MAGI3: variants seen among roughly 807,000 people sequenced by gnomAD.
MAGI3 encodes the protein membrane-associated guanylate kinase, WW and PDZ domain-containing protein 3.
MAGI3 carries 43 observed loss-of-function variants against 121.8 expected under a neutral mutation model. The observed-to-expected ratio is 0.35, with a 90% confidence interval of 0.28 to 0.46. The LOEUF (loss-of-function observed/expected upper bound fraction) is 0.46, where lower values mean the gene tolerates loss of function less well. Among genes scored for constraint, MAGI3 ranks in the 20% least tolerant of loss-of-function variants. The probability of loss-of-function intolerance (pLI) is 1.00; values close to 1 mark genes in which losing one functional copy is unlikely to be tolerated. For missense variants in MAGI3, 1,547 were observed against 1,797.3 expected, an observed-to-expected ratio of 0.86 and a Z score of 2.52; for synonymous variants, 553 against 639.3, an observed-to-expected ratio of 0.86 and a Z score of 2.04.
intron 1 of MAGI3, among the ~76,000 whole-genome samples, chr1:113,534,090 A>G (rs1658855069): frequency 6.6e-6 from 1 of 152,120 alleles, no homozygotes; most frequent in South Asian, 2.1e-4. Context: ...TATGTTTAGT[A>G]TGTTTCTTGA....
intron 6 of MAGI3, among the ~76,000 whole-genome samples, chr1:113,611,382 C>T (rs556002705): frequency 1.4e-4 from 21 of 152,210 alleles, no homozygotes; most frequent in East Asian, 3.9e-4. Context: ...GTCACCGTGC[C>T]GGCCCATTTT....
chr1:113,620,819 G>A (rs1353480530), intron 8 of MAGI3, among the ~76,000 whole-genome samples: 3 of 152,130 alleles, frequency 2.0e-5, no homozygotes, highest in African/African-American at 7.2e-5. Flanking sequence ...TCTTGGGTAC[G>A]TTTCCTAAAT....
chr1:113,466,758 G>A (rs1210881299), intron 1 of MAGI3, among the ~76,000 whole-genome samples: 2 of 151,812 alleles, frequency 1.3e-5, no homozygotes, highest in African/African-American at 2.4e-5. Flanking sequence ...TCAATTTGTT[G>A]GCATATAGTC....
chr1:113,576,043 A>G (rs1409410564), intron 2 of MAGI3, among the ~76,000 whole-genome samples: 1 of 151,920 alleles, frequency 6.6e-6, no homozygotes, highest in African/African-American at 2.4e-5. Flanking sequence ...CCCTCCCCCC[A>G]CCAAGCTCGA....
rs527681254 is a variant in MAGI3 at position 113,604,739 on chromosome 1, A to G, written c.1019-9862A>G. Among the ~76,000 whole-genome samples, 4 of 151,906 alleles carry G rather than the reference A, an allele frequency of 2.6e-5. No individual in the cohort carries two copies. The South Asian group carries it at 6.2e-4, about 24-fold the overall frequency. ...TCAGGAATGGAGAACCAAATACTCT[A>G]TGTTCTCACTTATAAGTGGGAGCTA... On this transcript the variant is annotated intron_variant, in intron 6 of 20. Transcript: ENST00000307546.
At chr1:113,432,716 C>T (rs1251595224) in intron 1 of MAGI3, among the ~76,000 whole-genome samples, 1 of 151,638 alleles carries the variant, frequency 6.6e-6, no homozygotes, top group African/African-American at 2.4e-5. Flanking sequence ...AGTTATTTAT[C>T]AGGAGACACT....
intron 2 of MAGI3, among the ~76,000 whole-genome samples, chr1:113,578,391 T>C (rs1438543748): frequency 6.6e-6 from 1 of 152,130 alleles, no homozygotes; most frequent in Non-Finnish European, 1.5e-5. Flanking sequence ...TAATTACAAA[T>C]TATAATTTTA....
At chr1:113,582,533 AAAG>A (rs1158726149) in intron 3 of MAGI3, among the ~76,000 whole-genome samples, 5 of 152,260 alleles carry the variant, frequency 3.3e-5, no homozygotes, top group Admixed American at 2.6e-4. Context: ...AATTGTATAA[AAAG>A]AAAGTTACAA....
rs548022470 is a variant in MAGI3, at chr1:113,449,985, A to T, written c.316+58636A>T. The T allele has an allele frequency of 4.1e-5, 64 of 1,566,244 alleles. No homozygotes were observed. The African/African-American group carries it at 7.7e-4, about 19-fold the overall frequency. On this transcript the variant is annotated intron_variant, in intron 1 of 20. Coordinates refer to ENST00000307546, the MANE Select transcript of MAGI3 (RefSeq NM_001142782.2). ...AGCTGTTTCTAGAGAGGATTCTGTA[A>T]AGCCTGGTGCCCATCTAACAGTGAA...
At chr1:113,524,055 C>T (rs987220392) in intron 1 of MAGI3, among the ~76,000 whole-genome samples, 2 of 152,182 alleles carry the variant, frequency 1.3e-5, no homozygotes, top group African/African-American at 4.8e-5. Flanking sequence ...TCAGAGGTTG[C>T]AGGCCCTAAG....
At chr1:113,512,325 C>A (rs1043843339) in intron 1 of MAGI3, among the ~76,000 whole-genome samples, 9 of 152,070 alleles carry the variant, frequency 5.9e-5, no homozygotes, top group East Asian at 3.9e-4. Flanking sequence ...AAATCACAGG[C>A]CTTGAAGAGA....
chr1:113,397,219 A>T (rs1462088659), intron 1 of MAGI3, among the ~76,000 whole-genome samples: 1 of 152,218 alleles, frequency 6.6e-6, no homozygotes, highest in Non-Finnish European at 1.5e-5. Context: ...AATTCTAAGA[A>T]ATTATCCTCA....
chr1:113,622,759 C>T (rs1466574797), intron 8 of MAGI3, 47 bp from the exon 9 acceptor site: 4 of 1,430,306 alleles, frequency 2.8e-6, no homozygotes, highest in Non-Finnish European at 3.8e-6. Flanking sequence ...GTGCTATATT[C>T]ATTGTAATTA....
chr1:113,661,184 A>G (rs1026972328), intron 16 of MAGI3, among the ~76,000 whole-genome samples: 3 of 152,204 alleles, frequency 2.0e-5, no homozygotes, highest in Admixed American at 6.5e-5. Context: ...GAAAATATAC[A>G]TAAACTGCAT....
In MAGI3 at chr1:113,622,911, G is replaced by T. The variant is rs934887397; in HGVS notation, c.1277G>T (p.Gly426Val). 1.3e-6 allele frequency: 2 copies of T among 1,599,610 alleles called. No homozygotes were observed. Among genetic ancestry groups the T allele is most frequent in the Non-Finnish European group, 1.7e-6 (2 of 1,174,798 alleles). Residue 426 changes from glycine (G) to valine (V), a missense_variant, in exon 9 of 21, where the codon GGT (glycine) becomes GTT (valine). Transcript: ENST00000307546. ...ATGGGATTTGGTTTTACTATTATTG[G>T]TGGAGATAGACCTGATGAGTTCCTA... ...STMGFGFTII[G>V]GDRPDEFLQV...
At position 113,614,606 on chromosome 1, in the gene MAGI3, C is replaced by T. The variant is rs1477904408; in HGVS notation, c.1024C>T (p.Pro342Ser). The part of the protein sequence containing the change: ...APEDCEDGEL[P>S]YGWEKIEDPQ... The stretch of plus-strand genomic sequence containing the variant: ...TCAATTTTCTTTATTTACAGAGCTT[C>T]CTTATGGCTGGGAGAAAATAGAGGA... The change falls in exon 7 of 21, where the codon CCT becomes TCT. Residue 342 changes from proline (P) to serine (S), a missense_variant. By Grantham distance (74) the Pro-to-Ser change is moderately conservative. Coordinates refer to ENST00000307546, the MANE Select transcript of MAGI3 (RefSeq NM_001142782.2). 6.2e-7 allele frequency: 1 copy of T among 1,608,744 alleles called. No homozygotes were observed. Among genetic ancestry groups the T allele is most frequent in the African/African-American group, 1.3e-5 (1 of 74,712 alleles).
At chr1:113,408,340 ATAGCTAG>A (rs1241987812) in intron 1 of MAGI3, among the ~76,000 whole-genome samples, 2 of 152,184 alleles carry the variant, frequency 1.3e-5, no homozygotes, top group African/African-American at 4.8e-5. Context: ...AATTGAATCA[ATAGCTAG>A]TAGTGTGAAG....
At chr1:113,660,584 A>G (rs1468381391) in intron 16 of MAGI3, among the ~76,000 whole-genome samples, 2 of 149,398 alleles carry the variant, frequency 1.3e-5, no homozygotes, top group Non-Finnish European at 3.0e-5. Flanking sequence ...AACAAAAAAC[A>G]TATTGGTTGA....
chr1:113,618,835 CATATGCTGAA>C (rs1205799469), intron 7 of MAGI3, among the ~76,000 whole-genome samples: 19 of 152,210 alleles, frequency 1.2e-4, no homozygotes, highest in Admixed American at 2.6e-4. Context: ...AAAACTGTAG[CATATGCTGAA>C]ATATATTTGT....
Sources: allele counts gnomAD v4.1 joint callset (sites outside exome capture counted in the v4.1 genomes callset), GRCh38; gene constraint gnomAD v4.1.1; transcripts MANE v1.5; gene names NCBI Gene and HGNC (gene_info 2026-07-23, HGNC 2026-07-21).